The following ANK2 variants were observed in gnomAD, a reference collection of about 807,000 sequenced individuals.
ANK2 encodes the protein ankyrin-2.
ANK2 carries 83 observed loss-of-function variants against 360.5 expected under a neutral mutation model. That is an observed-to-expected ratio of 0.23 (90% CI 0.19 to 0.28). The LOEUF (loss-of-function observed/expected upper bound fraction) is 0.28, where lower values mean the gene tolerates loss of function less well. Among genes scored for constraint, ANK2 ranks in the 10% least tolerant of loss-of-function variants. The pLI is 1.00. For synonymous variants in ANK2, 1,740 were observed against 1,759.5 expected (o/e 0.99, Z 0.28); for missense variants, 4,201 against 4,795.7 (o/e 0.88, Z 3.66).
chr4:113,330,430 C>A lies in ANK2; in HGVS notation c.3085C>A (p.Arg1029Ser). The A allele has an allele frequency of 1.2e-6, 2 of 1,614,166 alleles. No homozygotes were observed. The highest frequency in any genetic ancestry group is 1.1e-5 in the South Asian group (1 of 91,056). Residue 1029 changes from arginine (R) to serine (S), a missense_variant, in exon 27 of 46, where the codon CGC becomes AGC. Coordinates refer to ENST00000357077, the MANE Select transcript of ANK2 (RefSeq NM_001148.6). ...PMVEGEGLAS[R>S]LIEVGPSGAQ... ...GGTGGAAGGAGAAGGCCTGGCCAGT[C>A]GCCTGATCGAAGTTGGACCTTCTGG...
intron 1 of ANK2, among the ~76,000 whole-genome samples, chr4:113,050,988 A>G (rs955738848): frequency 6.6e-6 from 1 of 151,866 alleles, no homozygotes; most frequent in East Asian, 2.0e-4. Context: ...AGAAATAAGC[A>G]TGTGATGATT....
At chr4:113,303,028 T>C (rs548165409) in intron 23 of ANK2, among the ~76,000 whole-genome samples, 189 bp downstream of exon 23, 1 of 152,324 alleles carries the variant, frequency 6.6e-6, no homozygotes, top group Admixed American at 6.5e-5. Flanking sequence ...TTCTGATTAG[T>C]ATATTTGTTT....
intron 9 of ANK2, among the ~76,000 whole-genome samples, chr4:113,246,096 G>A (rs1242843912): frequency 5.3e-5 from 8 of 152,040 alleles, no homozygotes; most frequent in Admixed American, 2.0e-4. Flanking sequence ...ACACCCGGCC[G>A]GAATGTTTTT....
At chr4:113,371,111 A>C (rs745889363) in intron 43 of ANK2, among the ~76,000 whole-genome samples, 20 of 152,210 alleles carry the variant, frequency 1.3e-4, no homozygotes, top group Admixed American at 2.6e-4. Context: ...GCTTAGTAGT[A>C]AAAGAAGAGT....
At chr4:112,745,768 G>A in the ANK2 span, among the ~76,000 whole-genome samples, 13 of 151,934 alleles carry the variant, frequency 8.6e-5, no homozygotes, top group Non-Finnish European at 1.5e-4. Flanking sequence ...CCTGACCTCC[G>A]GTGATCCACC....
the ANK2 span, among the ~76,000 whole-genome samples, chr4:112,707,146 T>C: frequency 6.6e-6 from 1 of 152,176 alleles, no homozygotes; most frequent in Non-Finnish European, 1.5e-5. Context: ...AGGGCTAAAA[T>C]TGGTTGATGA....
At chr4:113,255,110 A>G (rs1481406496) in intron 10 of ANK2, among the ~76,000 whole-genome samples, 1 of 152,158 alleles carries the variant, frequency 6.6e-6, no homozygotes, top group African/African-American at 2.4e-5. Context: ...ACAAATTTAG[A>G]TTATCCTCAA....
the ANK2 span, among the ~76,000 whole-genome samples, chr4:112,754,004 A>ACGATAAT: frequency 6.6e-6 from 1 of 151,296 alleles, no homozygotes; most frequent in Non-Finnish European, 1.5e-5. Context: ...AGGCTGAGGC[A>ACGATAAT]CGATAATCAC....
chr4:112,826,012 C>G (rs774606733), intron 1 of ANK2, among the ~76,000 whole-genome samples: 3 of 152,136 alleles, frequency 2.0e-5, no homozygotes, highest in South Asian at 2.1e-4. Context: ...GGGAGAAGGT[C>G]AACGAGTAAC....
chr4:113,229,779 C>A (rs2099269916), intron 4 of ANK2, among the ~76,000 whole-genome samples: 1 of 152,150 alleles, frequency 6.6e-6, no homozygotes, highest in African/African-American at 2.4e-5. Flanking sequence ...AGGGCAGGGT[C>A]CTTTCTCAGG....
At chr4:112,885,689 C>T (rs560546968) in intron 1 of ANK2, among the ~76,000 whole-genome samples, 3 of 142,582 alleles carry the variant, frequency 2.1e-5, no homozygotes, top group African/African-American at 7.9e-5. Flanking sequence ...CCCAGCTACT[C>T]GGAAGGCTGT....
At position 113,164,332 on chromosome 4, in the gene ANK2, AAC is replaced by A. The variant is rs563007837; in HGVS notation, c.85-10082_85-10081del. On this transcript the variant is annotated intron_variant, in intron 1 of 45. Transcript: ENST00000357077. ...ATCTTCATGGGGCCACACTAAGATC[AAC>A]AGTGTGAGAAAATGTACCATGATAG... 2.6e-5 allele frequency among the ~76,000 whole-genome samples: 4 copies of A among 152,366 alleles called. No homozygotes were observed. In the East Asian group the frequency reaches 5.8e-4, roughly 22 times the overall value.
At chr4:113,025,313 T>C (rs183226085) in intron 2 of ANK2, among the ~76,000 whole-genome samples, 1,550 of 151,516 alleles carry the variant, frequency 0.01, 23 homozygotes, top group African/African-American at 0.036. Flanking sequence ...CATACTGTGA[T>C]GTAAAAATTG....
chr4:112,713,956 A>G, the ANK2 span, among the ~76,000 whole-genome samples: 2 of 151,518 alleles, frequency 1.3e-5, no homozygotes, highest in Non-Finnish European at 2.9e-5. Context: ...AAAAAAAAAA[A>G]CTGTCAAACT....
intron 2 of ANK2, among the ~76,000 whole-genome samples, chr4:113,196,152 C>T (rs1170067567): frequency 6.6e-6 from 1 of 152,052 alleles, no homozygotes; most frequent in Non-Finnish European, 1.5e-5. Context: ...TGCCAAAATC[C>T]ATGTTTCTAA....
chr4:113,032,296 G>A (rs1265639195), intron 2 of ANK2, among the ~76,000 whole-genome samples: 1 of 151,960 alleles, frequency 6.6e-6, no homozygotes, highest in East Asian at 1.9e-4. Context: ...ATATAGAAAA[G>A]CTGTTGTTAG....
intron 2 of ANK2, among the ~76,000 whole-genome samples, chr4:113,029,774 C>A: frequency 6.6e-6 from 1 of 152,004 alleles, no homozygotes; most frequent in Non-Finnish European, 1.5e-5. Flanking sequence ...TGACTTATCT[C>A]GACGGCCAAA....
intron 2 of ANK2, among the ~76,000 whole-genome samples, chr4:112,914,614 G>T (rs902540002): frequency 7.9e-5 from 12 of 152,040 alleles, no homozygotes; most frequent in African/African-American, 2.9e-4. Context: ...AAAAAGAAAA[G>T]AAAAGAAAAG....
chr4:112,890,048 CA>C (rs755682448), intron 1 of ANK2, among the ~76,000 whole-genome samples: 1 of 152,130 alleles, frequency 6.6e-6, no homozygotes, highest in Non-Finnish European at 1.5e-5. Context: ...ACTACTTAAA[CA>C]AAAGATGAAG....
Sources: gnomAD v4.1 joint callset for allele counts (sites outside exome capture counted in the v4.1 genomes callset) on GRCh38, gnomAD v4.1.1 for gene constraint, MANE v1.5 for transcripts, NCBI Gene and HGNC (gene_info 2026-07-23, HGNC 2026-07-21) for gene names.